The following EIF3M variants were observed in gnomAD, a reference collection of about 807,000 sequenced individuals.
EIF3M encodes the protein B5 receptor.
Under a neutral mutation model 49.7 loss-of-function variants are expected in EIF3M, and 25 were observed. The observed-to-expected ratio is 0.50, with a 90% CI of 0.37 to 0.70. The LOEUF (loss-of-function observed/expected upper bound fraction) is 0.70. EIF3M is among the 30% of genes least tolerant of loss of function. The pLI, the probability that EIF3M is intolerant of heterozygous loss-of-function variation, is 0.00. For missense variants in EIF3M, 350 were observed against 440.0 expected, an observed-to-expected ratio of 0.80 and a Z score of 1.83; for synonymous variants, 156 against 149.8, an observed-to-expected ratio of 1.04 and a Z score of -0.30.
intron 9 of EIF3M, chr11:32,601,051 C>A: frequency 2.4e-6 from 1 of 411,410 alleles, no homozygotes; most frequent in Non-Finnish European, 4.0e-6. Context: ...AGAACAAAGA[C>A]GTTTAGGCAA....
At chr11:32,592,391 C>T (rs1017627302) in intron 5 of EIF3M, 8 of 548,128 alleles carry the variant, frequency 1.5e-5, no homozygotes, top group African/African-American at 7.6e-5. Context: ...TTCAATCTTG[C>T]GATACTTTTC....
intron 1 of EIF3M, among the ~76,000 whole-genome samples, chr11:32,585,879 C>T (rs895294560): frequency 5.3e-5 from 8 of 151,890 alleles, no homozygotes; most frequent in African/African-American, 1.9e-4. Flanking sequence ...AATGTAATGC[C>T]TGTGCATTTA....
chr11:32,597,840 A>G (rs965753037), intron 8 of EIF3M, among the ~76,000 whole-genome samples: 34 of 152,148 alleles, frequency 2.2e-4, no homozygotes, highest in African/African-American at 8.2e-4. Context: ...TGTTTTTGAG[A>G]CTAGTCTTCC....
intron 5 of EIF3M, among the ~76,000 whole-genome samples, 168 bp downstream of exon 5, chr11:32,589,809 A>G (rs1225001839): frequency 6.6e-6 from 1 of 152,230 alleles, no homozygotes; most frequent in Non-Finnish European, 1.5e-5. Context: ...AACTATAAAG[A>G]TTAAAAGTAG....
chr11:32,589,778 A>C, intron 5 of EIF3M, 137 bp downstream of exon 5: 1 of 612,828 alleles, frequency 1.6e-6, no homozygotes, highest in South Asian at 2.6e-5. Flanking sequence ...ATTTCTATAA[A>C]TTTGACCTAA....
At chr11:32,600,020 G>C (rs1855237028) in intron 8 of EIF3M, among the ~76,000 whole-genome samples, 1 of 151,670 alleles carries the variant, frequency 6.6e-6, no homozygotes, top group Non-Finnish European at 1.5e-5. Flanking sequence ...TTCTACTTTT[G>C]TCTTATAAAG....
At position 32,602,819 on chromosome 11, in the gene EIF3M, A is replaced by G. The variant is rs1346792374; in HGVS notation, c.*420A>G. On this transcript the variant is annotated 3_prime_UTR_variant, in exon 11 of 11. Coordinates refer to ENST00000531120, the MANE Select transcript of EIF3M (RefSeq NM_006360.6). ...GAAAGCACTTATCTACATTATTTTA[A>G]TCTGTTGTTTTTTTCCAACGTCTCT... The G allele has an allele frequency of 1.9e-6, 3 of 1,586,432 alleles. No individual in the cohort carries two copies. The highest frequency in any genetic ancestry group is 1.4e-5 in the African/African-American group (1 of 73,364).
intron 3 of EIF3M, 113 bp downstream of exon 3, chr11:32,588,845 T>G: frequency 6.4e-7 from 1 of 1,555,746 alleles, no homozygotes; most frequent in South Asian, 1.2e-5. Flanking sequence ...GTGGCTCATA[T>G]TAGCTGTGAC....
chr11:32,592,516 CTT>C (rs2133198104), intron 5 of EIF3M: 3 of 528,886 alleles, frequency 5.7e-6, no homozygotes, highest in South Asian at 4.4e-5. Flanking sequence ...AAACAGCTGT[CTT>C]TGGTTCCATT....
At position 32,583,886 on chromosome 11, in the gene EIF3M, C is replaced by T. The variant is rs201994352; in HGVS notation, c.-2C>T. The T allele has an allele frequency of 3.7e-6, 6 of 1,613,750 alleles. No individual in the cohort carries two copies. In the Admixed American group the frequency reaches 6.7e-5, roughly 18 times the overall value. On this transcript the variant is annotated 5_prime_UTR_variant, in exon 1 of 11. Coordinates refer to ENST00000531120, the MANE Select transcript of EIF3M (RefSeq NM_006360.6). Reference sequence around the variant, plus strand: ...AGTGTCCGCTGTGCCCGGGCCTGCACCATGAGCGTCCCGGCCTTCATCGAC... The same window carrying T: ...AGTGTCCGCTGTGCCCGGGCCTGCATCATGAGCGTCCCGGCCTTCATCGAC...
intron 5 of EIF3M, among the ~76,000 whole-genome samples, chr11:32,591,355 T>C (rs1319279792): frequency 6.6e-6 from 1 of 152,264 alleles, no homozygotes; most frequent in Non-Finnish European, 1.5e-5. Flanking sequence ...TAAAAGTTTT[T>C]CTTTGAATTT....
chr11:32,593,568 A>G (rs879617146), intron 5 of EIF3M, among the ~76,000 whole-genome samples: 1 of 152,144 alleles, frequency 6.6e-6, no homozygotes, highest in Non-Finnish European at 1.5e-5. Context: ...CTTACTTGCC[A>G]TCTCTTCTGA....
In EIF3M at chr11:32,588,745, C is replaced by A. The variant is rs754828246; in HGVS notation, c.314+13C>A. 5.0e-6 allele frequency: 8 copies of A among 1,611,636 alleles called. No homozygotes were observed. The highest frequency in any genetic ancestry group is 6.8e-6 in the Non-Finnish European group (8 of 1,179,558). On this transcript the variant is annotated intron_variant, in intron 3 of 10. Transcript: ENST00000531120. Reference sequence around the variant, plus strand: ...TGAGACTGCAGTTGTAAGTTAAGATCTGAAAGAAACTCAGTTTTTCTAGGT... The same window carrying A: ...TGAGACTGCAGTTGTAAGTTAAGATATGAAAGAAACTCAGTTTTTCTAGGT...
chr11:32,588,730 G>A lies in EIF3M; in HGVS notation c.312G>A (p.Gln104=), dbSNP rs979776609. 1 of 1,614,140 alleles carries A rather than the reference G, an allele frequency of 6.2e-7. No homozygotes were observed. Among genetic ancestry groups the A allele is most frequent in the Non-Finnish European group, 8.5e-7 (1 of 1,180,006 alleles). ...REGERPSLRL[Q]LLSNLFHGMD... ...GTGAACGCCCGTCTCTGAGACTGCA[G>A]TTGTAAGTTAAGATCTGAAAGAAAC... Residue 104 remains glutamine (Q), a splice_region_variant and synonymous_variant, in exon 3 of 11, where the codon CAG becomes CAA. Coordinates refer to ENST00000531120, the MANE Select transcript of EIF3M (RefSeq NM_006360.6).
intron 5 of EIF3M, chr11:32,592,613 G>C: frequency 1.9e-6 from 1 of 525,464 alleles, no homozygotes; most frequent in Non-Finnish European, 3.7e-6. Flanking sequence ...CAGAGTTTGT[G>C]GAACATTTTG....
intron 5 of EIF3M, chr11:32,592,746 T>C: frequency 2.0e-6 from 1 of 488,756 alleles, no homozygotes; most frequent in Non-Finnish European, 4.0e-6. Flanking sequence ...TTAGCTGCTC[T>C]GGCTCCTTTG....
At chr11:32,601,174 T>G (rs1206861631) in intron 9 of EIF3M, 1 of 170,310 alleles carries the variant, frequency 5.9e-6, no homozygotes, top group Non-Finnish European at 1.2e-5. Flanking sequence ...AAGAATTAAA[T>G]GAATTAATAC....
intron 8 of EIF3M, among the ~76,000 whole-genome samples, chr11:32,596,722 A>G (rs1855186318): frequency 6.6e-6 from 1 of 152,178 alleles, no homozygotes; most frequent in African/African-American, 2.4e-5. Context: ...CCTGGCCAAC[A>G]TGGCAAAACC....
chr11:32,604,778 T>G lies in EIF3M; in HGVS notation c.*2379T>G, dbSNP rs1374714724. 2.0e-5 allele frequency: 3 copies of G among 152,242 alleles called. No homozygotes were observed. The highest frequency in any genetic ancestry group is 4.4e-5 in the Non-Finnish European group (3 of 68,038). 9.4% of individuals were successfully genotyped at this position (152,242 alleles called of 1,614,324 possible). On this transcript the variant is annotated 3_prime_UTR_variant, in exon 11 of 11. Coordinates refer to ENST00000531120, the MANE Select transcript of EIF3M (RefSeq NM_006360.6). ...TTGGGTACTGCCTTACATTAAAATC[T>G]TTTTCAATTTGACCAGTAAAAGTGG...
Sources: allele counts gnomAD v4.1 joint callset (sites outside exome capture counted in the v4.1 genomes callset), GRCh38; gene constraint gnomAD v4.1.1; transcripts MANE v1.5; gene names NCBI Gene and HGNC (gene_info 2026-07-23, HGNC 2026-07-21).